Variants in PRKAR1B observed in about 807,000 individuals in gnomAD.
PRKAR1B encodes protein kinase cAMP-dependent type I regulatory subunit beta, also known as cAMP-dependent protein kinase type I-beta regulatory subunit.
Under a neutral mutation model 46.5 loss-of-function variants are expected in PRKAR1B, and 22 were observed. The observed-to-expected ratio is 0.47, with a 90% CI of 0.34 to 0.68. PRKAR1B has a LOEUF of 0.68. PRKAR1B is among the 30% of genes least tolerant of loss of function. The pLI, the probability that PRKAR1B is intolerant of heterozygous loss-of-function variation, is 0.01. For missense variants in PRKAR1B, 445 were observed against 535.6 expected (o/e 0.83, Z 1.67); for synonymous variants, 259 against 217.7 (o/e 1.19, Z -1.67).
intron 2 of PRKAR1B, among the ~76,000 whole-genome samples, chr7:704,819 A>T (rs1343700815): frequency 1.3e-5 from 2 of 152,218 alleles, no homozygotes; most frequent in African/African-American, 2.4e-5. Flanking sequence ...AATATTTTGT[A>T]AATTAAATAT....
chr7:671,702 T>A (rs1465394795), intron 4 of PRKAR1B, among the ~76,000 whole-genome samples: 1 of 152,112 alleles, frequency 6.6e-6, no homozygotes, highest in African/African-American at 2.4e-5. Flanking sequence ...CATTGAGATC[T>A]CCATTTTCCT....
In PRKAR1B at chr7:593,945, G is replaced by C. The variant is rs1158240063; in HGVS notation, c.708+2201C>G. On this transcript the variant is annotated intron_variant, in intron 7 of 10. Transcript: ENST00000537384. This position sits in a 1 kb window ranked among gnomAD's most constrained non-coding sequence, Gnocchi z 6.1. ...AACGCGCCATCCACAAAACACAAGA[G>C]CCGGCATCGCCGTGGGGCCGGGACA... Among the ~76,000 whole-genome samples, 1 of 152,174 alleles carries C rather than the reference G, an allele frequency of 6.6e-6. No individual in the cohort carries two copies. The highest frequency in any genetic ancestry group is 2.4e-5 in the African/African-American group (1 of 41,444).
chr7:557,125 C>T (rs1393734004), intron 9 of PRKAR1B, among the ~76,000 whole-genome samples: 1 of 152,234 alleles, frequency 6.6e-6, no homozygotes, highest in East Asian at 1.9e-4. Context: ...GCGGTCTCCT[C>T]AGCGGAGTCT....
chr7:697,268 T>C (rs1234893143), intron 2 of PRKAR1B, among the ~76,000 whole-genome samples: 2 of 151,790 alleles, frequency 1.3e-5, no homozygotes, highest in African/African-American at 4.8e-5. Context: ...GGGGTGGGGG[T>C]GGAATCTAAA....
At chr7:642,948 G>A (rs1477989857) in intron 4 of PRKAR1B, among the ~76,000 whole-genome samples, 1 of 151,284 alleles carries the variant, frequency 6.6e-6, no homozygotes, top group African/African-American at 2.5e-5. Context: ...TTGCCACTCT[G>A]AGCCTCAGTT....
intron 9 of PRKAR1B, among the ~76,000 whole-genome samples, chr7:567,677 A>G (rs1034982741): frequency 2.4e-4 from 36 of 152,220 alleles, no homozygotes; most frequent in Non-Finnish European, 5.3e-4. Flanking sequence ...AAACAACGGA[A>G]TATTATTCAG....
chr7:610,066 AC>A (rs1782388066), intron 4 of PRKAR1B, among the ~76,000 whole-genome samples: 1 of 151,248 alleles, frequency 6.6e-6, no homozygotes, highest in Non-Finnish European at 1.5e-5. Flanking sequence ...CTATATGAAA[AC>A]CCTCGCTCCT....
At chr7:628,846 C>A (rs1374552974) in intron 4 of PRKAR1B, among the ~76,000 whole-genome samples, 7 of 151,552 alleles carry the variant, frequency 4.6e-5, no homozygotes, top group African/African-American at 1.2e-4. Context: ...TCAAGGACCC[C>A]CCAAGTCAGG....
chr7:685,286 ATATG>A lies in PRKAR1B; in HGVS notation c.178-4564_178-4561del, dbSNP rs1397044970. On this transcript the variant is annotated intron_variant, in intron 2 of 10. Coordinates refer to ENST00000537384, the MANE Select transcript of PRKAR1B (RefSeq NM_001164760.2). Reference sequence around the variant, plus strand: ...CATATATACGTATATATACGTATATATATGTATACATATATATATACGTATATAT... The same window carrying A: ...CATATATACGTATATATACGTATATATATACATATATATATACGTATATAT... Among the ~76,000 whole-genome samples the A allele has an allele frequency of 2.1e-3, 25 of 11,714 alleles. 3 individuals carry two copies. Among genetic ancestry groups the A allele is most frequent in the African/African-American group, 5.2e-3 (17 of 3,260 alleles). The allele number at this position is 11,714 out of a possible 152,430, so 7.7% of individuals were successfully genotyped here.
chr7:720,185 T>C (rs1781023930), intron 1 of PRKAR1B, among the ~76,000 whole-genome samples: 1 of 150,978 alleles, frequency 6.6e-6, no homozygotes, highest in Non-Finnish European at 1.5e-5. Flanking sequence ...GCCTCCAGAG[T>C]AGCTGGGATT....
intron 1 of PRKAR1B, among the ~76,000 whole-genome samples, chr7:717,485 T>C (rs1006104502): frequency 1.3e-5 from 2 of 151,792 alleles, no homozygotes; most frequent in Non-Finnish European, 2.9e-5. Flanking sequence ...AGCAAGACCC[T>C]GTCTCTACAA....
chr7:596,449 C>T (rs1781270148), intron 6 of PRKAR1B, 145 bp from the exon 7 acceptor site: 6 of 1,024,752 alleles, frequency 5.9e-6, no homozygotes, highest in Non-Finnish European at 8.3e-6. Context: ...GGGCAGAGCC[C>T]TGCGTTCCCC....
chr7:606,496 G>T (rs1297104848), intron 5 of PRKAR1B, among the ~76,000 whole-genome samples: 2 of 151,252 alleles, frequency 1.3e-5, no homozygotes, highest in African/African-American at 4.9e-5. Flanking sequence ...TGTTTTTTTT[G>T]AGACGGAGTC....
At chr7:579,218 T>C (rs62431411) in intron 9 of PRKAR1B, 38 bp downstream of exon 9, 629,650 of 1,611,990 alleles carry the variant, frequency 0.39, 127,993 homozygotes, top group African/African-American at 0.49. Flanking sequence ...CCTGCCCCAG[T>C]GCACACCCAG....
intron 7 of PRKAR1B, among the ~76,000 whole-genome samples, chr7:588,691 T>C (rs1160468826): frequency 1.5e-4 from 9 of 60,188 alleles, no homozygotes; most frequent in African/African-American, 3.7e-4. Flanking sequence ...ATGATGGTGA[T>C]GGTGGTGATG....
chr7:655,540 T>C (rs962433464), intron 4 of PRKAR1B, among the ~76,000 whole-genome samples: 1 of 152,242 alleles, frequency 6.6e-6, no homozygotes, highest in Non-Finnish European at 1.5e-5. Context: ...ATCTTGTGTT[T>C]CTTTTTGGCA....
intron 8 of PRKAR1B, among the ~76,000 whole-genome samples, chr7:580,584 C>A (rs1780116956): frequency 6.6e-6 from 1 of 152,126 alleles, no homozygotes; most frequent in Admixed American, 6.6e-5. Flanking sequence ...CCAAGTTTAT[C>A]TTTAAATGCT....
chr7:588,546 ACGGTGGTGATGG>A (rs1562541640), intron 7 of PRKAR1B, among the ~76,000 whole-genome samples: 94 of 6,410 alleles, frequency 0.015, 2 homozygotes, highest in African/African-American at 0.025. Context: ...GATGGTGGTG[ACGGTGGTGATGG>A]TGGTGATGTT....
chr7:671,907 T>G (rs549420314), intron 4 of PRKAR1B, among the ~76,000 whole-genome samples: 1 of 152,202 alleles, frequency 6.6e-6, no homozygotes, highest in Non-Finnish European at 1.5e-5. Context: ...CTCTCACCTT[T>G]CTGCCCATCC....
Sources: allele counts gnomAD v4.1 joint callset (sites outside exome capture counted in the v4.1 genomes callset), GRCh38; gene constraint gnomAD v4.1.1; non-coding constraint Gnocchi (gnomAD v3.1); transcripts MANE v1.5; gene names NCBI Gene and HGNC (gene_info 2026-07-23, HGNC 2026-07-21).